The following TPD52 variants were observed in gnomAD, a reference collection of about 807,000 sequenced individuals.
TPD52 encodes prostate and colon associated protein.
A neutral mutation model predicts 31.3 loss-of-function variants in TPD52; 17 were observed. The observed-to-expected ratio is 0.54, with a 90% CI of 0.37 to 0.82. TPD52 has a LOEUF of 0.82. Ranked by LOEUF, TPD52 falls within the 40% of genes least tolerant of loss-of-function variation. The pLI is 0.00. For missense variants in TPD52, 212 were observed against 240.1 expected, an observed-to-expected ratio of 0.88 and a Z score of 0.77; for synonymous variants, 83 against 89.6, an observed-to-expected ratio of 0.93 and a Z score of 0.42.
At chr8:80,082,104 G>C (rs1041793732) in intron 1 of TPD52, among the ~76,000 whole-genome samples, 4 of 151,124 alleles carry the variant, frequency 2.6e-5, no homozygotes, top group African/African-American at 9.8e-5. Flanking sequence ...CACCGTGCCC[G>C]GACTATGGTA....
intron 1 of TPD52, 46 bp from the exon 2 acceptor site, chr8:80,064,639 A>G: frequency 7.0e-7 from 1 of 1,432,626 alleles, no homozygotes. Flanking sequence ...AATCTAAGTA[A>G]AATCCCTATT....
At chr8:80,132,868 G>A (rs1809118492) in intron 1 of TPD52, among the ~76,000 whole-genome samples, 1 of 152,152 alleles carries the variant, frequency 6.6e-6, no homozygotes, top group Non-Finnish European at 1.5e-5. Flanking sequence ...TTCTTCCAAT[G>A]GCTGGAAGAA....
At chr8:80,147,860 C>G (rs1464048732) in intron 1 of TPD52, among the ~76,000 whole-genome samples, 1 of 151,844 alleles carries the variant, frequency 6.6e-6, no homozygotes, top group Non-Finnish European at 1.5e-5. Context: ...ACACACCCCC[C>G]ACACCCCCTG....
Position 80,132,728 on chromosome 8 carries a change from C to A in TPD52, c.19+38697G>T, listed in dbSNP as rs528510371. Among the ~76,000 whole-genome samples, 23 of 152,254 alleles carry A rather than the reference C, an allele frequency of 1.5e-4. No homozygotes were observed. The South Asian group carries it at 4.8e-3, about 32-fold the overall frequency. On this transcript the variant is annotated intron_variant, in intron 1 of 7. Coordinates refer to ENST00000518937, the MANE Select transcript of TPD52 (RefSeq NM_001025253.3). Reference sequence around the variant, plus strand: ...GAGAGGTGCCAAGAGGGAAGGGGAGCTGATGGCGCCAGAAGATTTGGAAGC... The same window carrying A: ...GAGAGGTGCCAAGAGGGAAGGGGAGATGATGGCGCCAGAAGATTTGGAAGC...
intron 1 of TPD52, among the ~76,000 whole-genome samples, chr8:80,107,089 G>A (rs1253873448): frequency 6.6e-6 from 1 of 151,994 alleles, no homozygotes; most frequent in African/African-American, 2.4e-5. Context: ...CTGACCTCGT[G>A]ATCCGCCCAC....
At chr8:80,064,406 T>C in intron 2 of TPD52, 72 bp downstream of exon 2, 4 of 1,196,498 alleles carry the variant, frequency 3.3e-6, no homozygotes, top group Admixed American at 3.4e-5. Context: ...CATATCACCA[T>C]GTACTTTAGA....
rs528666204 is a variant in TPD52, at chr8:80,171,529, C to A, written c.-86G>T. 2.0e-5 allele frequency: 29 copies of A among 1,444,556 alleles called. No homozygotes were observed. The highest frequency in any genetic ancestry group is 2.5e-4 in the Middle Eastern group (1 of 4,022). 89.5% of individuals were successfully genotyped at this position (1,444,556 alleles called of 1,614,324 possible). A position where few individuals can be genotyped will look rare whatever the true frequency, so the allele number is the denominator to read the frequency against. ...GGATCGCCCGCCGCGCCGCGCAGAGCTCCTCCTCGCCTCCGCCGGCGACTC... is the reference window on the plus strand; with the variant it reads ...GGATCGCCCGCCGCGCCGCGCAGAGATCCTCCTCGCCTCCGCCGGCGACTC... On this transcript the variant is annotated 5_prime_UTR_variant, in exon 1 of 8. Coordinates refer to ENST00000518937, the MANE Select transcript of TPD52 (RefSeq NM_001025253.3).
At chr8:80,046,070 AC>A (rs1810814204) in intron 5 of TPD52, among the ~76,000 whole-genome samples, 1 of 152,076 alleles carries the variant, frequency 6.6e-6, no homozygotes, top group Admixed American at 6.6e-5. Flanking sequence ...GTACAATATC[AC>A]TTCCTCCAGC....
chr8:80,032,805 A>G (rs1023973491), downstream of TPD52: 1 of 152,264 alleles, frequency 6.6e-6, no homozygotes, highest in Non-Finnish European at 1.5e-5. Flanking sequence ...AGTGTCACAA[A>G]GTTCTTAGGA....
intron 1 of TPD52, among the ~76,000 whole-genome samples, chr8:80,080,052 G>A (rs1322791370): frequency 1.3e-5 from 2 of 152,212 alleles, no homozygotes; most frequent in Non-Finnish European, 2.9e-5. Context: ...CTCAAAGTGA[G>A]CTTGGAATAT....
intron 1 of TPD52, among the ~76,000 whole-genome samples, chr8:80,145,397 A>AT (rs1414018408): frequency 6.6e-6 from 1 of 152,192 alleles, no homozygotes; most frequent in African/African-American, 2.4e-5. Flanking sequence ...GGTCGAACAC[A>AT]TTTTCACGGG....
chr8:80,109,551 C>T (rs1243808416), intron 1 of TPD52, among the ~76,000 whole-genome samples: 2 of 152,124 alleles, frequency 1.3e-5, no homozygotes, highest in Non-Finnish European at 2.9e-5. Flanking sequence ...GGATTACAGG[C>T]ACCTGCCACC....
At chr8:80,087,976 G>A (rs1239719398) in intron 1 of TPD52, among the ~76,000 whole-genome samples, 1 of 152,168 alleles carries the variant, frequency 6.6e-6, no homozygotes, top group Non-Finnish European at 1.5e-5. Flanking sequence ...AAATTTCTCA[G>A]CTAATCCTCA....
chr8:80,090,458 C>T (rs1215187700), intron 1 of TPD52, among the ~76,000 whole-genome samples: 2 of 146,494 alleles, frequency 1.4e-5, no homozygotes, highest in African/African-American at 5.0e-5. Context: ...TGGGGAGGGG[C>T]GGGGCAGACC....
chr8:80,069,678 T>G (rs543888920), intron 1 of TPD52, among the ~76,000 whole-genome samples: 344 of 51,798 alleles, frequency 6.6e-3, no homozygotes, highest in African/African-American at 0.017. Context: ...ATAAAGCAGG[T>G]TTTTTTTTAG....
intron 2 of TPD52, among the ~76,000 whole-genome samples, chr8:80,058,584 G>GTT (rs1433292532): frequency 6.6e-6 from 1 of 152,170 alleles, no homozygotes; most frequent in Non-Finnish European, 1.5e-5. Context: ...GATCACCTGA[G>GTT]TTCAGGAGTT....
chr8:80,038,285 G>C (rs746343740), intron 7 of TPD52, 50 bp from the exon 8 acceptor site: 1 of 1,594,710 alleles, frequency 6.3e-7, no homozygotes. Flanking sequence ...CATAAAACTA[G>C]CTGATTCTGC....
intron 2 of TPD52, among the ~76,000 whole-genome samples, chr8:80,055,510 T>A (rs1844559553): frequency 6.6e-6 from 1 of 152,152 alleles, no homozygotes; most frequent in Admixed American, 6.5e-5. Flanking sequence ...AGACAAAGAT[T>A]TTATGGCTAA....
At chr8:80,110,924 G>A (rs1230965697) in intron 1 of TPD52, among the ~76,000 whole-genome samples, 5 of 152,192 alleles carry the variant, frequency 3.3e-5, no homozygotes, top group Admixed American at 2.0e-4. Context: ...AAGCTGTTTC[G>A]GCTGGGTGTG....
Sources: allele counts gnomAD v4.1 joint callset (sites outside exome capture counted in the v4.1 genomes callset), GRCh38; gene constraint gnomAD v4.1.1; transcripts MANE v1.5; gene names NCBI Gene and HGNC (gene_info 2026-07-23, HGNC 2026-07-21).